Variants in ZFPM2 observed in about 807,000 individuals in gnomAD.
ZFPM2 encodes zinc finger protein ZFPM2.
A neutral mutation model predicts 98.6 loss-of-function variants in ZFPM2; 20 were observed. The ratio of observed to expected loss-of-function variants is 0.20; its 90% CI spans 0.14 to 0.29. The LOEUF (loss-of-function observed/expected upper bound fraction) is 0.29, where lower values mean the gene tolerates loss of function less well. Among genes scored for constraint, ZFPM2 ranks in the 10% least tolerant of loss-of-function variants. The pLI, the probability that ZFPM2 is intolerant of heterozygous loss-of-function variation, is 1.00. For synonymous variants in ZFPM2, 518 were observed against 502.7 expected (o/e 1.03, Z -0.41); for missense variants, 1,310 against 1,388.6 (o/e 0.94, Z 0.90).
At chr8:105,535,972 G>A (rs1364372799) in intron 3 of ZFPM2, among the ~76,000 whole-genome samples, 1 of 152,130 alleles carries the variant, frequency 6.6e-6, no homozygotes, top group East Asian at 1.9e-4. Context: ...TTAGAGATGG[G>A]AACTTGTCTG....
chr8:105,407,440 T>C lies in ZFPM2; in HGVS notation c.41-11704T>C, dbSNP rs1392218660. Among the ~76,000 whole-genome samples the C allele has an allele frequency of 4.6e-5, 7 of 151,736 alleles. No homozygotes were observed. The South Asian group carries it at 6.2e-4, about 14-fold the overall frequency. ...CATGTTTGAGGCAACTATTTGAAAA[T>C]AGGAAAATGTTTAGTCATAGATCTA... On this transcript the variant is annotated intron_variant, in intron 1 of 7. Coordinates refer to ENST00000407775, the MANE Select transcript of ZFPM2 (RefSeq NM_012082.4).
At position 105,761,510 on chromosome 8, in the gene ZFPM2, A is replaced by G. The variant is rs1247544908; in HGVS notation, c.533-27208A>G. 2.0e-5 allele frequency among the ~76,000 whole-genome samples: 3 copies of G among 152,020 alleles called. No homozygotes were observed. The South Asian group carries it at 6.2e-4, about 32-fold the overall frequency. On this transcript the variant is annotated intron_variant, in intron 5 of 7. Transcript: ENST00000407775. ...TTCTGAAAGCTTTCTTTGTCTTCTT[A>G]TTTCTCTTTTTTTAAGTACATAGAC...
intron 4 of ZFPM2, among the ~76,000 whole-genome samples, chr8:105,595,807 G>T (rs1815957062): frequency 6.6e-6 from 1 of 151,594 alleles, no homozygotes; most frequent in African/African-American, 2.4e-5. Context: ...TCTTTTATTG[G>T]TTTTAGCCAT....
chr8:105,663,749 A>G (rs1817436186), intron 5 of ZFPM2, among the ~76,000 whole-genome samples: 1 of 152,254 alleles, frequency 6.6e-6, no homozygotes, highest in Non-Finnish European at 1.5e-5. Flanking sequence ...AAAGTTTCAC[A>G]AGAAGTGAAA....
intron 4 of ZFPM2, among the ~76,000 whole-genome samples, chr8:105,629,230 C>T (rs1427266151): frequency 6.6e-6 from 1 of 152,180 alleles, no homozygotes; most frequent in Non-Finnish European, 1.5e-5. Flanking sequence ...CTCATGTGCT[C>T]CCTCCCGCGA....
At chr8:105,534,192 CCTCCCTCCCTCCCTTCTTCCTTCTTTT>C in intron 3 of ZFPM2, among the ~76,000 whole-genome samples, 1 of 80,290 alleles carries the variant, frequency 1.2e-5, no homozygotes, top group Non-Finnish European at 2.4e-5. Context: ...CTCCTCCCTT[CCTCCCTCCCTCCCTTCTTCCTTCTTTT>C]CTTCCTCCCT....
rs1817164616 is a variant in ZFPM2, at chr8:105,651,137, A to T, written c.532+16780A>T. ...AGTGACAAGTCTCTCCATATATATA[A>T]CTGTACATCCACTGCATGTTGTCAT... On this transcript the variant is annotated intron_variant, in intron 5 of 7. Transcript: ENST00000407775. Among the ~76,000 whole-genome samples the T allele has an allele frequency of 2.0e-5, 3 of 151,976 alleles. No individual in the cohort carries two copies. In the South Asian group the frequency reaches 6.2e-4, roughly 32 times the overall value.
At position 105,377,607 on chromosome 8, in the gene ZFPM2, C is replaced by CAAAAAAAAAAAAA. The variant is rs36124912; in HGVS notation, c.41-41523_41-41511dup. Among the ~76,000 whole-genome samples the CAAAAAAAAAAAAA allele has an allele frequency of 1.3e-4, 8 of 63,876 alleles. 3 individuals are homozygous for CAAAAAAAAAAAAA. The highest frequency in any genetic ancestry group is 3.0e-4 in the African/African-American group (5 of 16,590). 41.9% of individuals were successfully genotyped at this position (63,876 alleles called of 152,430 possible). ...CAAAACCCCGTTTTTCTTAAAAATC[C>CAAAAAAAAAAAAA]AAAAAAAAAAAAAAAAAAAAAAAAA... On this transcript the variant is annotated intron_variant, in intron 1 of 7. Coordinates refer to ENST00000407775, the MANE Select transcript of ZFPM2 (RefSeq NM_012082.4).
intron 5 of ZFPM2, among the ~76,000 whole-genome samples, chr8:105,740,260 A>C (rs1256200738): frequency 9.9e-5 from 15 of 151,992 alleles, no homozygotes; most frequent in Admixed American, 9.9e-4. Context: ...ACAGAGGTTA[A>C]AACATAAAAG....
At chr8:105,533,035 G>T (rs1314638861) in intron 3 of ZFPM2, among the ~76,000 whole-genome samples, 1 of 152,002 alleles carries the variant, frequency 6.6e-6, no homozygotes, top group Non-Finnish European at 1.5e-5. Context: ...TGAATGCGTA[G>T]AATTAACAAA....
At chr8:105,622,250 T>A (rs1477821600) in intron 4 of ZFPM2, among the ~76,000 whole-genome samples, 1 of 152,140 alleles carries the variant, frequency 6.6e-6, no homozygotes, top group African/African-American at 2.4e-5. Flanking sequence ...AATTGATCAG[T>A]TTGTCATGTT....
chr8:105,338,833 C>T (rs1349037125), intron 1 of ZFPM2, among the ~76,000 whole-genome samples: 1 of 151,804 alleles, frequency 6.6e-6, no homozygotes, highest in Non-Finnish European at 1.5e-5. Context: ...TGAGATTTTA[C>T]TGTGGGTAGA....
chr8:105,338,092 G>A (rs1812360546), intron 1 of ZFPM2, among the ~76,000 whole-genome samples: 1 of 151,778 alleles, frequency 6.6e-6, no homozygotes, highest in Non-Finnish European at 1.5e-5. Flanking sequence ...AAACTCATGA[G>A]TTATGCTTGT....
chr8:105,778,011 G>A (rs1012537889), intron 5 of ZFPM2, among the ~76,000 whole-genome samples: 3 of 152,046 alleles, frequency 2.0e-5, no homozygotes, highest in African/African-American at 7.2e-5. Flanking sequence ...ATCAGGTGCT[G>A]TGCAGGAGGA....
intron 5 of ZFPM2, among the ~76,000 whole-genome samples, chr8:105,770,404 A>C (rs931025511): frequency 6.6e-5 from 10 of 152,106 alleles, no homozygotes; most frequent in Non-Finnish European, 1.3e-4. Flanking sequence ...TTTTTATCTC[A>C]CGAAAGTTAA....
chr8:105,654,648 T>A (rs1044108612), intron 5 of ZFPM2, among the ~76,000 whole-genome samples: 77 of 152,224 alleles, frequency 5.1e-4, no homozygotes, highest in African/African-American at 1.8e-3. Flanking sequence ...AGAACTGTTG[T>A]CAAGGTGAAA....
At chr8:105,669,289 T>G (rs1817544358) in intron 5 of ZFPM2, among the ~76,000 whole-genome samples, 1 of 151,978 alleles carries the variant, frequency 6.6e-6, no homozygotes, top group African/African-American at 2.4e-5. Context: ...TCCTCTAAAA[T>G]TCTCATAGCT....
At chr8:105,596,601 T>C (rs1815974698) in intron 4 of ZFPM2, among the ~76,000 whole-genome samples, 1 of 152,026 alleles carries the variant, frequency 6.6e-6, no homozygotes, top group Admixed American at 6.6e-5. Flanking sequence ...CTAAAGCTTC[T>C]TTTGTGTATC....
chr8:105,715,527 T>C (rs1332692540), intron 5 of ZFPM2, among the ~76,000 whole-genome samples: 2 of 152,034 alleles, frequency 1.3e-5, no homozygotes, highest in East Asian at 3.9e-4. Context: ...ATGTATAAAT[T>C]ATGTGCTACA....
Sources: allele counts gnomAD v4.1 joint callset (sites outside exome capture counted in the v4.1 genomes callset), GRCh38; gene constraint gnomAD v4.1.1; transcripts MANE v1.5; gene names NCBI Gene and HGNC (gene_info 2026-07-23, HGNC 2026-07-21).